The following MDK variants were observed in gnomAD, a reference collection of about 807,000 sequenced individuals.
MDK encodes the protein amphiregulin-associated protein.
MDK carries 17 observed loss-of-function variants against 18.9 expected under a neutral mutation model. The observed-to-expected ratio is 0.90, with a 90% CI of 0.62 to 1.35. The LOEUF is 1.35. Among genes scored for constraint, MDK ranks in the 40% most tolerant of loss-of-function variants. The pLI, the probability that MDK is intolerant of heterozygous loss-of-function variation, is 0.00. For synonymous variants in MDK, 86 were observed against 74.3 expected (o/e 1.16, Z -0.81); for missense variants, 180 against 186.3 (o/e 0.97, Z 0.20).
Position 46,382,705 on chromosome 11 carries a change from C to T in MDK, c.363C>T (p.Arg121=), listed in dbSNP as rs34089965. The T allele has an allele frequency of 3.7e-6, 6 of 1,610,624 alleles. No individual in the cohort carries two copies. The highest frequency in any genetic ancestry group is 1.7e-5 in the Admixed American group (1 of 59,708). Residue 121 remains arginine (R), a synonymous_variant, in exon 4 of 5, where the codon CGC becomes CGT. Coordinates refer to ENST00000395566, the MANE Select transcript of MDK (RefSeq NM_002391.6). ...RYNAQCQETI[R]VTKPCTPKTK... ...ATGCTCAGTGCCAGGAGACCATCCG[C>T]GTCACCAAGCCCTGCACCCCCAAGA... is the stretch of plus-strand genomic sequence containing the variant.
Position 46,383,511 on chromosome 11 carries a change from C to T in MDK, c.*17C>T. The T allele has an allele frequency of 3.1e-6, 5 of 1,612,244 alleles. No homozygotes were observed. Among genetic ancestry groups the T allele is most frequent in the Non-Finnish European group, 4.2e-6 (5 of 1,178,950 alleles). ...AAGGACTAGACGCCAAGCCTGGATG[C>T]CAAGGAGCCCCTGGTGTCACATGGG... On this transcript the variant is annotated 3_prime_UTR_variant, in exon 5 of 5. Coordinates refer to ENST00000395566, the MANE Select transcript of MDK (RefSeq NM_002391.6).
Position 46,381,673 on chromosome 11 carries a change from C to G in MDK, c.-87C>G, listed in dbSNP as rs1363862308. ...GGGGGCCCATGTGACCGGCTCAGAC[C>G]GGTTCTGGAGACAAAAGGGGCCGCG... is the stretch of plus-strand genomic sequence containing the variant. On this transcript the variant is annotated 5_prime_UTR_variant, in exon 1 of 5. Coordinates refer to ENST00000395566, the MANE Select transcript of MDK (RefSeq NM_002391.6). 2.7e-5 allele frequency: 4 copies of G among 150,574 alleles called. No homozygotes were observed. The highest frequency in any genetic ancestry group is 1.0e-4 in the African/African-American group (4 of 39,610). The allele number at this position is 150,574 out of a possible 1,614,324, so 9.3% of individuals were successfully genotyped here. A position where few individuals can be genotyped will look rare whatever the true frequency, so the allele number is the denominator to read the frequency against.
At chr11:46,383,125 C>CTA in intron 4 of MDK, 1 of 417,926 alleles carries the variant, frequency 2.4e-6, no homozygotes. Flanking sequence ...CCACCCTGGG[C>CTA]CTCTCAGCTC....
At chr11:46,380,823 G>A (rs939763621), upstream of MDK, 1 of 152,230 alleles carries the variant, frequency 6.6e-6, no homozygotes, top group African/African-American at 2.4e-5. Flanking sequence ...GCGAGCCCGG[G>A]TTCTGTGGCC....
intron 4 of MDK, 107 bp from the exon 5 acceptor site, chr11:46,383,362 G>T: frequency 4.8e-6 from 4 of 829,238 alleles, no homozygotes; most frequent in Non-Finnish European, 7.7e-6. Flanking sequence ...CCACTAGGGG[G>T]CAGAATCTTC....
At chr11:46,382,493 C>T (rs1027952408) in intron 3 of MDK, 32 bp downstream of exon 3, 13 of 1,527,860 alleles carry the variant, frequency 8.5e-6, no homozygotes, top group Non-Finnish European at 9.7e-6. Context: ...GGGCAGGAGA[C>T]GGGGGGCACA....
upstream of MDK, chr11:46,381,610 G>A (rs1485094446): frequency 7.2e-6 from 1 of 137,984 alleles, no homozygotes; most frequent in Non-Finnish European, 1.6e-5. Flanking sequence ...GGGAGGGGGC[G>A]GGGCGGGTCC....
chr11:46,383,404 C>T (rs1003395780), intron 4 of MDK, 65 bp from the exon 5 acceptor site: 1 of 1,308,628 alleles, frequency 7.6e-7, no homozygotes. Flanking sequence ...TTTGTGGAGC[C>T]GGCGGTCTGC....
intron 3 of MDK, 26 bp from the exon 4 acceptor site, chr11:46,382,561 G>A: frequency 1.9e-6 from 3 of 1,590,708 alleles, no homozygotes; most frequent in Non-Finnish European, 2.6e-6. Flanking sequence ...GCCGCGCAGC[G>A]CTGACCTGGG....
In MDK at chr11:46,383,609, T is replaced by TAATC; in HGVS notation, c.*121_*124dup. 2.1e-6 allele frequency: 2 copies of TAATC among 932,064 alleles called. No homozygotes were observed. Among genetic ancestry groups the TAATC allele is most frequent in the East Asian group, 2.4e-5 (1 of 41,628 alleles). 57.7% of individuals were successfully genotyped at this position (932,064 alleles called of 1,614,324 possible). A position where few individuals can be genotyped will look rare whatever the true frequency, so the allele number is the denominator to read the frequency against. ...GTGCCTTCTGTCTGCTCGTTAGCTT[T>TAATC]AATCAATCATGCCCTGCCTTGTCCC... is the stretch of plus-strand genomic sequence containing the variant. On this transcript the variant is annotated 3_prime_UTR_variant, in exon 5 of 5. Transcript: ENST00000395566.
intron 4 of MDK, 99 bp from the exon 5 acceptor site, chr11:46,383,370 T>C: frequency 2.1e-6 from 2 of 934,308 alleles, no homozygotes; most frequent in Non-Finnish European, 3.3e-6. Context: ...GGGCAGAATC[T>C]TCTCCTTCCC....
In MDK at chr11:46,382,620, CGT is replaced by C. The variant is rs1565101350; in HGVS notation, c.282_283del (p.Cys94Ter). The C allele has an allele frequency of 6.2e-7, 1 of 1,612,364 alleles. No homozygotes were observed. The highest frequency in any genetic ancestry group is 8.5e-7 in the Non-Finnish European group (1 of 1,179,648). On this transcript the variant is annotated frameshift_variant, in exon 4 of 5. Coordinates refer to ENST00000395566, the MANE Select transcript of MDK (RefSeq NM_002391.6). LOFTEE classifies it high-confidence loss of function. ...AAGTACAAGTTTGAGAACTGGGGTG[CGT>C]GTGATGGGGGCACAGGCACCAAAGT...
chr11:46,382,787 GC>G, intron 4 of MDK, 39 bp downstream of exon 4: 16 of 1,498,442 alleles, frequency 1.1e-5, no homozygotes, highest in African/African-American at 1.7e-5. Flanking sequence ...GTCGCGGGGG[GC>G]TGCCCCCCCC....
At position 46,382,379 on chromosome 11, in the gene MDK, G is replaced by A. The variant is rs1378451611; in HGVS notation, c.162G>A (p.Val54=). Residue 54 remains valine, a synonymous_variant, in exon 3 of 5, where the codon GTG becomes GTA. Transcript: ENST00000395566. ...PCTPSSKDCG[V]GFREGTCGAQ... The stretch of plus-strand genomic sequence containing the variant: ...CCCCCAGCAGCAAGGATTGCGGCGT[G>A]GGTTTCCGCGAGGGCACCTGCGGGG... 3.2e-6 allele frequency: 5 copies of A among 1,571,586 alleles called. No homozygotes were observed. Among genetic ancestry groups the A allele is most frequent in the African/African-American group, 1.4e-5 (1 of 73,150 alleles).
chr11:46,383,169 A>G (rs779529392), intron 4 of MDK: 52 of 422,108 alleles, frequency 1.2e-4, no homozygotes, highest in Non-Finnish European at 1.8e-4. Flanking sequence ...CCAGCAGGGC[A>G]GGGGTGAATC....
rs572036363 is a variant in MDK, at chr11:46,383,770, A to G, written c.*276A>G. 1.8e-6 allele frequency: 1 copy of G among 558,266 alleles called. No individual in the cohort carries two copies. Among genetic ancestry groups the G allele is most frequent in the African/African-American group, 1.9e-5 (1 of 53,036 alleles). The allele number at this position is 558,266 out of a possible 1,614,324, so 34.6% of individuals were successfully genotyped here. On this transcript the variant is annotated 3_prime_UTR_variant, in exon 5 of 5. Transcript: ENST00000395566. ...TTCCCCACAATTCCATTACTAAGAA[A>G]CACATCAAATAAACTGACTTTTTCC... is the stretch of plus-strand genomic sequence containing the variant.
In MDK at chr11:46,383,700, G is replaced by A. The variant is rs113928050; in HGVS notation, c.*206G>A. 1.6e-3 allele frequency: 1,131 copies of A among 686,714 alleles called. 12 individuals are homozygous for A. The African/African-American group carries it at 0.017, about 10-fold the overall frequency. 42.5% of individuals were successfully genotyped at this position (686,714 alleles called of 1,614,324 possible). ...AGGGACAAGGGATTCTGGGAAGCTTGAGCCTCCCCCAAAGCAATGTGAGTC... is the reference window on the plus strand; with the variant it reads ...AGGGACAAGGGATTCTGGGAAGCTTAAGCCTCCCCCAAAGCAATGTGAGTC... On this transcript the variant is annotated 3_prime_UTR_variant, in exon 5 of 5. Coordinates refer to ENST00000395566, the MANE Select transcript of MDK (RefSeq NM_002391.6).
intron 4 of MDK, chr11:46,382,970 AG>A (rs1390485753): frequency 3.2e-5 from 19 of 599,866 alleles, no homozygotes; most frequent in South Asian, 2.0e-5. Flanking sequence ...TGGCCCAAAT[AG>A]GGACCAACTC....
In MDK at chr11:46,382,641, C is replaced by G; in HGVS notation, c.299C>G (p.Thr100Ser). ...NWGACDGGTG[T>S]KVRQGTLKKA... Reference sequence around the variant, plus strand: ...GGTGCGTGTGATGGGGGCACAGGCACCAAAGTCCGCCAAGGCACCCTGAAG... The same window carrying G: ...GGTGCGTGTGATGGGGGCACAGGCAGCAAAGTCCGCCAAGGCACCCTGAAG... The change falls in exon 4 of 5, where the codon ACC becomes AGC. Residue 100 changes from threonine to serine, a missense_variant. Transcript: ENST00000395566. The G allele has an allele frequency of 6.2e-7, 1 of 1,612,958 alleles. No homozygotes were observed. Among genetic ancestry groups the G allele is most frequent in the Non-Finnish European group, 8.5e-7 (1 of 1,179,874 alleles).
Sources: gnomAD v4.1 joint callset for allele counts on GRCh38, gnomAD v4.1.1 for gene constraint, MANE v1.5 for transcripts, NCBI Gene and HGNC (gene_info 2026-07-23, HGNC 2026-07-21) for gene names.